TRMT11: variants seen among roughly 807,000 people sequenced by gnomAD.
TRMT11 encodes tRNA (guanine(10)-N(2))-methyltransferase TRMT11.
Under a neutral mutation model 62.8 loss-of-function variants are expected in TRMT11, and 53 were observed. The ratio of observed to expected loss-of-function variants is 0.84; its 90% CI spans 0.68 to 1.06. The LOEUF (loss-of-function observed/expected upper bound fraction) is 1.06, where lower values mean the gene tolerates loss of function less well. TRMT11 is among the 50% of genes least tolerant of loss of function. The pLI, the probability that TRMT11 is intolerant of heterozygous loss-of-function variation, is 0.00. For synonymous variants in TRMT11, 188 were observed against 190.3 expected (o/e 0.99, Z 0.10); for missense variants, 556 against 553.4 (o/e 1.00, Z -0.05).
chr6:126,044,861 C>T (rs1776001637), intron 16 of TRMT11, among the ~76,000 whole-genome samples: 1 of 151,684 alleles, frequency 6.6e-6, no homozygotes, highest in African/African-American at 2.4e-5. Context: ...TCTTCTGGGA[C>T]TTGGGTATAA....
chr6:126,176,922 C>A (rs1233367962), upstream of TRMT11, among the ~76,000 whole-genome samples: 1 of 151,960 alleles, frequency 6.6e-6, no homozygotes, highest in African/African-American at 2.4e-5. Flanking sequence ...TTCAACCCTT[C>A]ATTCACTCAT....
At chr6:126,205,652 A>G (rs1778782003), downstream of TRMT11, among the ~76,000 whole-genome samples, 1 of 152,182 alleles carries the variant, frequency 6.6e-6, no homozygotes, top group Non-Finnish European at 1.5e-5. Context: ...TTGTGTTTTT[A>G]TTTGGAAAAC....
the TRMT11 span, among the ~76,000 whole-genome samples, chr6:126,222,881 C>T: frequency 2.6e-5 from 4 of 151,236 alleles, no homozygotes; most frequent in Non-Finnish European, 5.9e-5. Flanking sequence ...TTACCTGGTT[C>T]CTATATAGAT....
chr6:126,238,881 A>C, the TRMT11 span, among the ~76,000 whole-genome samples: 1 of 152,134 alleles, frequency 6.6e-6, no homozygotes, highest in Admixed American at 6.5e-5. Flanking sequence ...TTGCTTTATG[A>C]ATCTGGGTGC....
At chr6:126,133,147 G>T (rs138895825) in intron 21 of TRMT11, among the ~76,000 whole-genome samples, 2 of 151,938 alleles carry the variant, frequency 1.3e-5, no homozygotes, top group African/African-American at 4.8e-5. Flanking sequence ...AATTGAGAAT[G>T]TACAAGGTTT....
intron 21 of TRMT11, among the ~76,000 whole-genome samples, chr6:126,142,718 AG>A (rs1318575847): frequency 3.3e-5 from 5 of 152,084 alleles, no homozygotes; most frequent in Non-Finnish European, 7.4e-5. Context: ...GACACCTAAA[AG>A]AACTTTAATG....
intron 21 of TRMT11, among the ~76,000 whole-genome samples, chr6:126,164,219 G>A (rs778481137): frequency 1.4e-4 from 21 of 152,126 alleles, no homozygotes; most frequent in East Asian, 3.9e-4. Flanking sequence ...TTCTGCCTTC[G>A]TTTTGTTATT....
chr6:126,100,849 C>A (rs58501115), intron 17 of TRMT11, among the ~76,000 whole-genome samples: 6,267 of 151,998 alleles, frequency 0.041, 415 homozygotes, highest in African/African-American at 0.14. Context: ...AGTGGGAGAT[C>A]TCAGCTTGTT....
intron 17 of TRMT11, among the ~76,000 whole-genome samples, chr6:126,066,188 A>T (rs1253760350): frequency 1.3e-5 from 2 of 152,226 alleles, no homozygotes; most frequent in African/African-American, 4.8e-5. Flanking sequence ...CTCTGCCTCC[A>T]GGCCAGGGTG....
chr6:126,165,699 C>CT (rs1778250794), intron 21 of TRMT11, among the ~76,000 whole-genome samples: 1 of 152,234 alleles, frequency 6.6e-6, no homozygotes, highest in Non-Finnish European at 1.5e-5. Flanking sequence ...ACCTTTCTCT[C>CT]TGGCTGCCCT....
At chr6:126,205,968 T>G (rs1008757768), downstream of TRMT11, among the ~76,000 whole-genome samples, 15 of 151,644 alleles carry the variant, frequency 9.9e-5, no homozygotes, top group Non-Finnish European at 2.1e-4. Flanking sequence ...GGAATATAGC[T>G]TTTCTATATT....
At chr6:126,124,431 C>T (rs1777687155) in intron 21 of TRMT11, among the ~76,000 whole-genome samples, 1 of 152,026 alleles carries the variant, frequency 6.6e-6, no homozygotes, top group Admixed American at 6.6e-5. Context: ...AATAACAGCA[C>T]CAATTCTGCA....
At chr6:126,209,964 A>G in the TRMT11 span, among the ~76,000 whole-genome samples, 2 of 152,148 alleles carry the variant, frequency 1.3e-5, no homozygotes, top group African/African-American at 2.4e-5. Flanking sequence ...TCTCTAAGAT[A>G]CCTCACTTTG....
chr6:126,059,987 A>G (rs1183239970), intron 17 of TRMT11, among the ~76,000 whole-genome samples: 1 of 152,234 alleles, frequency 6.6e-6, no homozygotes, highest in East Asian at 1.9e-4. Context: ...GAGGAAAAGA[A>G]GGATAAAAAT....
At chr6:126,173,761 G>T (rs930057255), upstream of TRMT11, among the ~76,000 whole-genome samples, 3 of 152,168 alleles carry the variant, frequency 2.0e-5, no homozygotes, top group South Asian at 2.1e-4. Context: ...GTGAAGTGAA[G>T]AATTCTTTTT....
chr6:126,264,901 T>C, the TRMT11 span, among the ~76,000 whole-genome samples: 1 of 152,168 alleles, frequency 6.6e-6, no homozygotes, highest in Non-Finnish European at 1.5e-5. Context: ...AATCTCTTTC[T>C]ATATATATGT....
At chr6:126,025,832 T>C (rs912126377) in intron 12 of TRMT11, among the ~76,000 whole-genome samples, 1 of 152,238 alleles carries the variant, frequency 6.6e-6, no homozygotes, top group Non-Finnish European at 1.5e-5. Context: ...TAGGTTTAAC[T>C]TCAGTATAAC....
At chr6:126,167,907 C>G (rs1442525376) in intron 21 of TRMT11, among the ~76,000 whole-genome samples, 3 of 152,170 alleles carry the variant, frequency 2.0e-5, no homozygotes, top group Non-Finnish European at 4.4e-5. Context: ...GGAAGAACTC[C>G]AGCCTGGGAG....
In TRMT11 at chr6:126,038,918, G is replaced by GA; in HGVS notation, c.*86dup. 8.8e-7 allele frequency: 1 copy of GA among 1,140,864 alleles called. No homozygotes were observed. The highest frequency in any genetic ancestry group is 2.6e-5 in the East Asian group (1 of 39,146). The allele number at this position is 1,140,864 out of a possible 1,614,324, so 70.7% of individuals were successfully genotyped here. Reference sequence around the variant, plus strand: ...GATGTGAACTTTCATGTATGATCCAGAAAATAGGTACGGTTTTAAAATATT... The same window carrying GA: ...GATGTGAACTTTCATGTATGATCCAGAAAAATAGGTACGGTTTTAAAATATT... On this transcript the variant is annotated 3_prime_UTR_variant, in exon 13 of 13. Coordinates refer to ENST00000334379, the MANE Select transcript of TRMT11 (RefSeq NM_001031712.3).
Sources: gnomAD v4.1 joint callset for allele counts (sites outside exome capture counted in the v4.1 genomes callset) on GRCh38, gnomAD v4.1.1 for gene constraint, MANE v1.5 for transcripts, NCBI Gene and HGNC (gene_info 2026-07-23, HGNC 2026-07-21) for gene names.